The following CSMD1 variants were observed in gnomAD, a reference collection of about 807,000 sequenced individuals.
The protein encoded by CSMD1 is CUB and sushi domain-containing protein 1.
Under a neutral mutation model 417.5 loss-of-function variants are expected in CSMD1, and 213 were observed. The observed-to-expected ratio is 0.51, with a 90% CI of 0.46 to 0.57. The LOEUF (loss-of-function observed/expected upper bound fraction) is 0.57, where lower values mean the gene tolerates loss of function less well. Among genes scored for constraint, CSMD1 ranks in the 20% least tolerant of loss-of-function variants. The probability of loss-of-function intolerance (pLI) is 0.00; values close to 1 mark genes in which losing one functional copy is unlikely to be tolerated. For synonymous variants in CSMD1, 2,862 were observed against 1,736.8 expected (o/e 1.65, Z -16.11); for missense variants, 6,923 against 4,529.7 (o/e 1.53, Z -15.17).
chr8:4,040,388 T>C (rs955777462), intron 3 of CSMD1, among the ~76,000 whole-genome samples: 2 of 152,110 alleles, frequency 1.3e-5, no homozygotes, highest in African/African-American at 4.8e-5. Flanking sequence ...AACAAAAACA[T>C]GCTGCAGGGA....
intron 5 of CSMD1, among the ~76,000 whole-genome samples, chr8:3,804,822 T>G (rs1800639590): frequency 6.6e-6 from 1 of 152,178 alleles, no homozygotes; most frequent in South Asian, 2.1e-4. Context: ...AATAATTGAG[T>G]ACAACACATC....
At chr8:3,660,147 T>C (rs573065245) in intron 7 of CSMD1, among the ~76,000 whole-genome samples, 6 of 152,324 alleles carry the variant, frequency 3.9e-5, no homozygotes, top group African/African-American at 1.4e-4. Flanking sequence ...CTACATTATT[T>C]CATTTGTAAT....
intron 3 of CSMD1, among the ~76,000 whole-genome samples, chr8:4,298,512 G>A (rs1449578566): frequency 6.6e-6 from 1 of 152,026 alleles, no homozygotes; most frequent in Non-Finnish European, 1.5e-5. Context: ...TAAAAGCCCT[G>A]ACTTGACCTA....
At chr8:4,270,457 G>A (rs1585131620) in intron 3 of CSMD1, among the ~76,000 whole-genome samples, 1 of 152,208 alleles carries the variant, frequency 6.6e-6, no homozygotes, top group African/African-American at 2.4e-5. Context: ...AGATCACAGA[G>A]AAGCCGCAGA....
At chr8:4,554,824 C>T (rs1333191598) in intron 2 of CSMD1, among the ~76,000 whole-genome samples, 3 of 152,180 alleles carry the variant, frequency 2.0e-5, no homozygotes, top group Non-Finnish European at 4.4e-5. Flanking sequence ...CCAGTATTTT[C>T]TGAGTAAGCA....
At chr8:4,703,995 G>A (rs1339527719) in intron 1 of CSMD1, among the ~76,000 whole-genome samples, 2 of 152,162 alleles carry the variant, frequency 1.3e-5, no homozygotes, top group Admixed American at 6.5e-5. Context: ...CATGCTATGA[G>A]AATCTAATGC....
chr8:4,184,013 C>T (rs1039017536), intron 3 of CSMD1, among the ~76,000 whole-genome samples: 3 of 152,116 alleles, frequency 2.0e-5, no homozygotes, highest in African/African-American at 4.8e-5. Flanking sequence ...GACAAGGGTA[C>T]AGTTAATGTT....
Position 3,569,500 on chromosome 8 carries a change from G to A in CSMD1, c.1344+5445C>T, listed in dbSNP as rs34142108. Among the ~76,000 whole-genome samples, 1,323 of 152,242 alleles carry A rather than the reference G, an allele frequency of 8.7e-3. 14 individuals carry two copies. The highest frequency in any genetic ancestry group is 0.012 in the Non-Finnish European group (809 of 68,008). The stretch of plus-strand genomic sequence containing the variant: ...TAAGAGAGAATTGGCGTCGGAAACT[G>A]CTTTTCTGTCCTATCTTATTTCTTA... On this transcript the variant is annotated intron_variant, in intron 10 of 69. Coordinates refer to ENST00000635120, the MANE Select transcript of CSMD1 (RefSeq NM_033225.6).
At chr8:4,394,335 A>C (rs989247932) in intron 3 of CSMD1, among the ~76,000 whole-genome samples, 1 of 152,238 alleles carries the variant, frequency 6.6e-6, no homozygotes, top group African/African-American at 2.4e-5. Flanking sequence ...TGGAGAATGT[A>C]GTTATTCTCT....
At chr8:3,663,887 C>T (rs1798548389) in intron 7 of CSMD1, among the ~76,000 whole-genome samples, 1 of 152,160 alleles carries the variant, frequency 6.6e-6, no homozygotes, top group Non-Finnish European at 1.5e-5. Flanking sequence ...CAACCTCAAC[C>T]TTGGATAAAT....
chr8:4,236,043 T>G lies in CSMD1; in HGVS notation c.415+183910A>C, dbSNP rs28576907. On this transcript the variant is annotated intron_variant, in intron 3 of 69. Transcript: ENST00000635120. ...TGGATATTGTTTTTTTTGTTTGTTT[T>G]TTTTTTTTTTTTTTTTTTTTTTTTT... is the stretch of plus-strand genomic sequence containing the variant. Among the ~76,000 whole-genome samples, 227 of 34,696 alleles carry G rather than the reference T, an allele frequency of 6.5e-3. 4 individuals carry two copies. Among genetic ancestry groups the G allele is most frequent in the South Asian group, 0.022 (33 of 1,496 alleles). The allele number at this position is 34,696 out of a possible 152,430, so 22.8% of individuals were successfully genotyped here.
chr8:3,860,776 C>T (rs1034481544), intron 5 of CSMD1, among the ~76,000 whole-genome samples: 1 of 152,122 alleles, frequency 6.6e-6, no homozygotes, highest in Non-Finnish European at 1.5e-5. Context: ...GAGAGTAGAG[C>T]TGTTTTACTC....
At chr8:4,790,056 T>C (rs1797611559) in intron 1 of CSMD1, among the ~76,000 whole-genome samples, 1 of 152,164 alleles carries the variant, frequency 6.6e-6, no homozygotes, top group Non-Finnish European at 1.5e-5. Flanking sequence ...CTTCAGAGAA[T>C]TCTAGGAGGA....
intron 7 of CSMD1, among the ~76,000 whole-genome samples, chr8:3,637,591 T>A (rs1415813600): frequency 6.6e-6 from 1 of 152,182 alleles, no homozygotes; most frequent in African/African-American, 2.4e-5. Flanking sequence ...TATTGACTAC[T>A]ATTTTGTTAC....
At chr8:3,946,909 G>A (rs895073854) in intron 5 of CSMD1, among the ~76,000 whole-genome samples, 1 of 152,136 alleles carries the variant, frequency 6.6e-6, no homozygotes. Flanking sequence ...CCATGCAACA[G>A]TGCCACCTCA....
chr8:4,002,788 A>C (rs533603652), intron 4 of CSMD1, among the ~76,000 whole-genome samples: 13 of 152,342 alleles, frequency 8.5e-5, no homozygotes, highest in African/African-American at 3.1e-4. Context: ...AACTGAATAG[A>C]AAGTTTTAAA....
In CSMD1 at chr8:3,396,382, C is replaced by A; in HGVS notation, c.2406-1G>T. The A allele has an allele frequency of 6.4e-7, 1 of 1,569,168 alleles. No individual in the cohort carries two copies. The highest frequency in any genetic ancestry group is 8.6e-7 in the Non-Finnish European group (1 of 1,157,534). On this transcript the variant is annotated splice_acceptor_variant, in intron 16 of 69. Transcript: ENST00000635120. LOFTEE classifies it high-confidence loss of function. ...GTCATAATTGACCTCTGTCTGAAAT[C>A]TGCAAATATATACATCCCATCAGAA...
At chr8:3,264,408 A>G (rs981036737) in intron 26 of CSMD1, among the ~76,000 whole-genome samples, 3 of 152,092 alleles carry the variant, frequency 2.0e-5, no homozygotes, top group Non-Finnish European at 4.4e-5. Flanking sequence ...TCCACTCGCT[A>G]TGTGCCTTTT....
At position 4,084,169 on chromosome 8, in the gene CSMD1, GAGAA is replaced by G. The variant is rs146432656; in HGVS notation, c.416-52074_416-52071del. On this transcript the variant is annotated intron_variant, in intron 3 of 69. Coordinates refer to ENST00000635120, the MANE Select transcript of CSMD1 (RefSeq NM_033225.6). Reference sequence around the variant, plus strand: ...TTTTATAAAAGCAGAATAATTAAAAGAGAAAGAATTTTAAAATGTATTTTTTCCT... The same window carrying G: ...TTTTATAAAAGCAGAATAATTAAAAGAGAATTTTAAAATGTATTTTTTCCT... 8.1e-3 allele frequency among the ~76,000 whole-genome samples: 1,236 copies of G among 152,060 alleles called. 16 individuals are homozygous for G. The highest frequency in any genetic ancestry group is 0.029 in the African/African-American group (1,187 of 41,482).
Sources: allele counts gnomAD v4.1 joint callset (sites outside exome capture counted in the v4.1 genomes callset), GRCh38; gene constraint gnomAD v4.1.1; transcripts MANE v1.5; gene names NCBI Gene and HGNC (gene_info 2026-07-23, HGNC 2026-07-21).